Variants in IL1RAP observed in about 807,000 individuals in gnomAD.
IL1RAP encodes the protein interleukin 1 receptor accessory protein.
IL1RAP carries 35 observed loss-of-function variants against 60.7 expected under a neutral mutation model. The observed-to-expected ratio is 0.58, with a 90% CI of 0.44 to 0.76. The LOEUF (loss-of-function observed/expected upper bound fraction) is 0.76. Ranked by LOEUF, IL1RAP falls within the 30% of genes least tolerant of loss-of-function variation. The probability of loss-of-function intolerance (pLI) is 0.00; values close to 1 mark genes in which losing one functional copy is unlikely to be tolerated. For synonymous variants in IL1RAP, 268 were observed against 250.9 expected, an observed-to-expected ratio of 1.07 and a Z score of -0.64; for missense variants, 572 against 693.9, an observed-to-expected ratio of 0.82 and a Z score of 1.97.
chr3:190,651,952 A>G (rs976538185), downstream of IL1RAP, among the ~76,000 whole-genome samples: 5 of 152,176 alleles, frequency 3.3e-5, no homozygotes, highest in African/African-American at 1.2e-4. Flanking sequence ...GTTTACAGGA[A>G]TATTTTTCAT....
At chr3:190,540,755 G>A (rs1723861104) in intron 1 of IL1RAP, among the ~76,000 whole-genome samples, 1 of 152,010 alleles carries the variant, frequency 6.6e-6, no homozygotes. Context: ...AAGTAAGAGA[G>A]AAAGAAAACA....
intron 3 of IL1RAP, among the ~76,000 whole-genome samples, chr3:190,570,484 G>T (rs1726814999): frequency 6.6e-6 from 1 of 152,154 alleles, no homozygotes. Context: ...TGCAGTGTTT[G>T]TAGGGTCTGA....
At chr3:190,580,775 G>T (rs538284506) in intron 3 of IL1RAP, among the ~76,000 whole-genome samples, 1 of 152,212 alleles carries the variant, frequency 6.6e-6, no homozygotes, top group East Asian at 1.9e-4. Context: ...GAACTCGCTA[G>T]GAAATTAAAT....
intron 1 of IL1RAP, among the ~76,000 whole-genome samples, chr3:190,546,222 C>G (rs553214560): frequency 6.6e-6 from 1 of 152,272 alleles, no homozygotes; most frequent in Non-Finnish European, 1.5e-5. Flanking sequence ...GTTTTCCTCT[C>G]TGTTCTATAG....
At position 190,620,403 on chromosome 3, in the gene IL1RAP, G is replaced by A. The variant is rs763143821; in HGVS notation, c.666G>A (p.Thr222=). Residue 222 remains threonine (T), a synonymous_variant, in exon 6 of 12, where the codon ACG becomes ACA. Transcript: ENST00000447382. ...CVVTYPENGR[T]FHLTRTLTVK... is the part of the protein sequence containing the mutation. ...TTACATATCCAGAAAATGGACGTAC[G>A]TTTCATCTCACCAGGACTCTGACTG... The A allele has an allele frequency of 1.6e-5, 26 of 1,612,560 alleles. 1 individual carries two copies. Among genetic ancestry groups the A allele is most frequent in the South Asian group, 3.3e-5 (3 of 90,782 alleles).
chr3:190,623,992 A>G (rs1473443087), intron 7 of IL1RAP, among the ~76,000 whole-genome samples: 2 of 152,252 alleles, frequency 1.3e-5, no homozygotes, highest in Non-Finnish European at 2.9e-5. Flanking sequence ...CCCACAGTTA[A>G]GTGAACAGGA....
chr3:190,654,265 A>G (rs934637109), downstream of IL1RAP, among the ~76,000 whole-genome samples: 4 of 149,986 alleles, frequency 2.7e-5, no homozygotes, highest in African/African-American at 5.0e-5. Context: ...CAAGCTAGCC[A>G]TGTTGCCTTA....
intron 3 of IL1RAP, among the ~76,000 whole-genome samples, chr3:190,598,618 T>G (rs531637332): frequency 1.3e-5 from 2 of 152,272 alleles, no homozygotes; most frequent in East Asian, 3.9e-4. Context: ...ATATACTTTC[T>G]GCCTTAACTA....
At chr3:190,645,131 T>C (rs2108857380) in intron 10 of IL1RAP, among the ~76,000 whole-genome samples, 1 of 152,320 alleles carries the variant, frequency 6.6e-6, no homozygotes, top group African/African-American at 2.4e-5. Context: ...CATTTAAACA[T>C]ACAAATTCAT....
chr3:190,523,066 T>A (rs1722225514), intron 1 of IL1RAP, among the ~76,000 whole-genome samples: 1 of 152,182 alleles, frequency 6.6e-6, no homozygotes, highest in African/African-American at 2.4e-5. Context: ...TAAGCCAGTC[T>A]TTGAAATACC....
intron 1 of IL1RAP, among the ~76,000 whole-genome samples, chr3:190,541,711 C>T (rs1281378185): frequency 6.6e-6 from 1 of 152,072 alleles, no homozygotes; most frequent in East Asian, 1.9e-4. Context: ...CTATTGCCAC[C>T]ATTCATCCCC....
At chr3:190,567,147 C>T (rs892412844) in intron 3 of IL1RAP, among the ~76,000 whole-genome samples, 1 of 152,134 alleles carries the variant, frequency 6.6e-6, no homozygotes, top group African/African-American at 2.4e-5. Context: ...AGTGAACTGG[C>T]CGTGAAGTCA....
intron 1 of IL1RAP, among the ~76,000 whole-genome samples, chr3:190,555,711 A>T (rs1204536989): frequency 1.3e-5 from 2 of 152,198 alleles, no homozygotes; most frequent in South Asian, 2.1e-4. Flanking sequence ...ACCTCCAAAA[A>T]TTGCAAGCTT....
chr3:190,603,810 C>G (rs1427691038), intron 3 of IL1RAP, among the ~76,000 whole-genome samples: 1 of 152,314 alleles, frequency 6.6e-6, no homozygotes, highest in African/African-American at 2.4e-5. Context: ...AAACCATTCT[C>G]TGTTCCACAA....
chr3:190,642,679 T>A (rs1171216877), intron 9 of IL1RAP, among the ~76,000 whole-genome samples: 1 of 152,218 alleles, frequency 6.6e-6, no homozygotes, highest in Non-Finnish European at 1.5e-5. Context: ...TTTATTTCTC[T>A]TATAGCACTA....
Position 190,645,751 on chromosome 3 carries a change from A to G in IL1RAP, c.1254A>G (p.Glu418=), listed in dbSNP as rs760075567. ...CCTATGCAAGGAATGCGGAAGAAGA[A>G]GAATTTGTATTACTGACCCTCCGTG... The part of the protein sequence containing the change: ...YVSYARNAEE[E]EFVLLTLRGV... Residue 418 remains glutamate, a synonymous_variant, in exon 11 of 12, where the codon GAA becomes GAG. Transcript: ENST00000447382. 1 of 1,613,216 alleles carries G rather than the reference A, an allele frequency of 6.2e-7. No individual in the cohort carries two copies. Among genetic ancestry groups the G allele is most frequent in the Non-Finnish European group, 8.5e-7 (1 of 1,179,174 alleles).
intron 6 of IL1RAP, among the ~76,000 whole-genome samples, chr3:190,620,892 G>A (rs532689037): frequency 2.0e-5 from 3 of 152,298 alleles, no homozygotes; most frequent in South Asian, 2.1e-4. Flanking sequence ...CTTGGATTAA[G>A]TAAACTCTAT....
intron 3 of IL1RAP, among the ~76,000 whole-genome samples, chr3:190,572,855 C>CTTTTTTTTTTTTT (rs1337681913): frequency 3.5e-5 from 2 of 57,590 alleles, no homozygotes; most frequent in Non-Finnish European, 6.6e-5. Context: ...AGGGTTAATG[C>CTTTTTTTTTTTTT]TTTGTTTTTT....
chr3:190,540,312 C>T (rs1480370067), intron 1 of IL1RAP, among the ~76,000 whole-genome samples: 1 of 151,934 alleles, frequency 6.6e-6, no homozygotes, highest in East Asian at 1.9e-4. Context: ...TCCCTTTGTC[C>T]TTCTGTTTTT....
Sources: gnomAD v4.1 joint callset for allele counts (sites outside exome capture counted in the v4.1 genomes callset) on GRCh38, gnomAD v4.1.1 for gene constraint, MANE v1.5 for transcripts, NCBI Gene and HGNC (gene_info 2026-07-23, HGNC 2026-07-21) for gene names.